The following SLC10A7 variants were observed in gnomAD, a reference collection of about 807,000 sequenced individuals.
The protein encoded by SLC10A7 is sodium/bile acid cotransporter 7.
SLC10A7 carries 29 observed loss-of-function variants against 43.2 expected under a neutral mutation model. That is an observed-to-expected ratio of 0.67 (90% confidence interval 0.50 to 0.92). The LOEUF (loss-of-function observed/expected upper bound fraction) is 0.92, where lower values mean the gene tolerates loss of function less well. Ranked by LOEUF, SLC10A7 falls within the 40% of genes least tolerant of loss-of-function variation. The pLI is 0.00. For missense variants in SLC10A7, 295 were observed against 403.2 expected, an observed-to-expected ratio of 0.73 and a Z score of 2.30; for synonymous variants, 152 against 144.8, an observed-to-expected ratio of 1.05 and a Z score of -0.35.
intron 5 of SLC10A7, among the ~76,000 whole-genome samples, chr4:146,425,643 C>G (rs1729290639): frequency 6.6e-6 from 1 of 152,096 alleles, no homozygotes; most frequent in African/African-American, 2.4e-5. Context: ...GCAAGATCAC[C>G]TTAAAACATG....
chr4:146,518,552 T>C lies in SLC10A7; in HGVS notation c.101-1432A>G, dbSNP rs147302616. On this transcript the variant is annotated intron_variant, in intron 1 of 11. Transcript: ENST00000335472. Reference sequence around the variant, plus strand: ...TCTTCTTGTACTAGATTAAATAGTGTCCCCCGACTCCCAAAATTCATGCCC... The same window carrying C: ...TCTTCTTGTACTAGATTAAATAGTGCCCCCCGACTCCCAAAATTCATGCCC... Among the ~76,000 whole-genome samples the C allele has an allele frequency of 1.3e-3, 192 of 152,254 alleles. 2 individuals are homozygous for C. In the South Asian group the frequency reaches 0.025, roughly 20 times the overall value.
intron 9 of SLC10A7, among the ~76,000 whole-genome samples, chr4:146,285,372 A>C (rs1253586214): frequency 6.6e-6 from 1 of 152,206 alleles, no homozygotes; most frequent in Non-Finnish European, 1.5e-5. Flanking sequence ...TAGGATGAAA[A>C]GAATTTCTGT....
At chr4:146,437,962 T>C (rs1730324745) in intron 5 of SLC10A7, among the ~76,000 whole-genome samples, 1 of 152,078 alleles carries the variant, frequency 6.6e-6, no homozygotes, top group Non-Finnish European at 1.5e-5. Flanking sequence ...AGGGTTTCCT[T>C]TTAAGATCAG....
intron 5 of SLC10A7, among the ~76,000 whole-genome samples, chr4:146,407,273 A>G (rs896354679): frequency 6.6e-6 from 1 of 152,166 alleles, no homozygotes; most frequent in Admixed American, 6.5e-5. Flanking sequence ...AATGTGTACA[A>G]TTTTATGAGT....
intron 2 of SLC10A7, chr4:146,515,289 A>C (rs1475351174): frequency 1.6e-6 from 1 of 629,050 alleles, no homozygotes; most frequent in Non-Finnish European, 2.9e-6. Flanking sequence ...TTCCATAAAG[A>C]GCATTAGCCA....
intron 4 of SLC10A7, among the ~76,000 whole-genome samples, chr4:146,470,896 G>A (rs1025090134): frequency 1.3e-5 from 2 of 152,116 alleles, no homozygotes; most frequent in African/African-American, 4.8e-5. Context: ...ATGTGTGCCA[G>A]GCACTGTGCA....
intron 4 of SLC10A7, among the ~76,000 whole-genome samples, chr4:146,494,495 G>C (rs1735722572): frequency 6.6e-6 from 1 of 152,188 alleles, no homozygotes; most frequent in Non-Finnish European, 1.5e-5. Flanking sequence ...CAGGAATCTA[G>C]CAGGGCTAAC....
rs1578716744 is a variant in SLC10A7, at chr4:146,256,270, C to A, written c.*221G>T. The A allele has an allele frequency of 7.2e-6, 4 of 557,400 alleles. No homozygotes were observed. The highest frequency in any genetic ancestry group is 4.4e-5 in the South Asian group (2 of 45,876). The allele number at this position is 557,400 out of a possible 1,614,324, so 34.5% of individuals were successfully genotyped here. On this transcript the variant is annotated 3_prime_UTR_variant, in exon 12 of 12. Transcript: ENST00000335472. ...TCCTGCATTAGGAAAGCAAAATTAA[C>A]CCCCAAATATTGTACCACCCCTGGC...
At chr4:146,492,538 T>A (rs1735554522) in intron 4 of SLC10A7, among the ~76,000 whole-genome samples, 1 of 151,988 alleles carries the variant, frequency 6.6e-6, no homozygotes, top group Admixed American at 6.6e-5. Flanking sequence ...CGGCTAAATT[T>A]CTTTGTATTT....
At chr4:146,457,727 T>A (rs1208851435) in intron 4 of SLC10A7, among the ~76,000 whole-genome samples, 3 of 151,886 alleles carry the variant, frequency 2.0e-5, no homozygotes, top group Admixed American at 6.6e-5. Flanking sequence ...TCCCCAAATA[T>A]GAAAACTTAG....
intron 5 of SLC10A7, among the ~76,000 whole-genome samples, chr4:146,346,221 G>A (rs771962598): frequency 2.0e-5 from 3 of 152,144 alleles, no homozygotes; most frequent in African/African-American, 4.8e-5. Flanking sequence ...GGGGAACTGT[G>A]TGGAATAAGT....
intron 5 of SLC10A7, among the ~76,000 whole-genome samples, chr4:146,330,501 G>C (rs923965277): frequency 6.6e-6 from 1 of 152,126 alleles, no homozygotes; most frequent in African/African-American, 2.4e-5. Flanking sequence ...CTCATCTAAA[G>C]TGCGAACCCC....
At chr4:146,260,357 T>C (rs1416191527) in intron 10 of SLC10A7, among the ~76,000 whole-genome samples, 2 of 152,044 alleles carry the variant, frequency 1.3e-5, no homozygotes, top group Admixed American at 6.6e-5. Flanking sequence ...TGCTAAGACA[T>C]TGGGGGATGG....
rs1738720050 is a variant in SLC10A7, at chr4:146,521,854, TGTAAA to T, written c.-142_-138del. 7 of 699,884 alleles carry T rather than the reference TGTAAA, an allele frequency of 1.0e-5. No individual in the cohort carries two copies. The highest frequency in any genetic ancestry group is 2.4e-4 in the Middle Eastern group (1 of 4,088). 43.4% of individuals were successfully genotyped at this position (699,884 alleles called of 1,614,324 possible). On this transcript the variant is annotated 5_prime_UTR_variant, in exon 1 of 12. Transcript: ENST00000335472. The stretch of plus-strand genomic sequence containing the variant: ...CAGCAGAGCAAGTCAAATTGCCGAT[TGTAAA>T]GTAAAGACCTGGGGGTTGCTCCGGC...
chr4:146,474,234 A>C (rs1168067587), intron 4 of SLC10A7, among the ~76,000 whole-genome samples: 2 of 152,180 alleles, frequency 1.3e-5, no homozygotes. Context: ...TGAAAGTATA[A>C]ATACAAAATA....
chr4:146,291,697 T>C lies in SLC10A7; in HGVS notation c.773+1232A>G, dbSNP rs953358899. On this transcript the variant is annotated intron_variant, in intron 9 of 11. Transcript: ENST00000335472. ...GCTTCTTCTCCCACCAAGAACTCCC[T>C]CTTGGCATCTCTAACTGCTGAACAA... is the stretch of plus-strand genomic sequence containing the variant. 2.6e-5 allele frequency among the ~76,000 whole-genome samples: 4 copies of C among 152,144 alleles called. No homozygotes were observed. The South Asian group carries it at 8.3e-4, about 32-fold the overall frequency.
intron 5 of SLC10A7, among the ~76,000 whole-genome samples, chr4:146,344,385 G>T (rs183481153): frequency 2.0e-4 from 30 of 152,080 alleles, no homozygotes; most frequent in Admixed American, 2.0e-3. Flanking sequence ...CGGAAGAAGC[G>T]GTGAAAAGCA....
chr4:146,393,273 C>A (rs573220338), intron 5 of SLC10A7, among the ~76,000 whole-genome samples: 1 of 143,374 alleles, frequency 7.0e-6, no homozygotes, highest in East Asian at 2.2e-4. Context: ...CCATTCTTTA[C>A]ATGCATTTTT....
intron 6 of SLC10A7, among the ~76,000 whole-genome samples, chr4:146,310,637 C>T (rs1283993456): frequency 6.6e-6 from 1 of 151,960 alleles, no homozygotes; most frequent in African/African-American, 2.4e-5. Flanking sequence ...GAGAAGCAGA[C>T]ACTGCTTTGA....
Sources: allele counts gnomAD v4.1 joint callset (sites outside exome capture counted in the v4.1 genomes callset), GRCh38; gene constraint gnomAD v4.1.1; transcripts MANE v1.5; gene names NCBI Gene and HGNC (gene_info 2026-07-23, HGNC 2026-07-21).